The following PHF8 variants were observed in gnomAD, a reference collection of about 807,000 sequenced individuals.
The protein encoded by PHF8 is histone lysine demethylase PHF8.
In PHF8, 9 loss-of-function variants were observed where a neutral mutation model predicts 74.4. The ratio of observed to expected loss-of-function variants is 0.12; its 90% confidence interval spans 0.07 to 0.21. The LOEUF (loss-of-function observed/expected upper bound fraction) is 0.21. PHF8 is among the 10% of genes least tolerant of loss of function. PHF8 has a pLI of 1.00. For missense variants in PHF8, 478 were observed against 816.6 expected (o/e 0.59, Z 5.05); for synonymous variants, 311 against 316.6 (o/e 0.98, Z 0.19).
intron 2 of PHF8, among the ~76,000 whole-genome samples, chrX:54,033,075 CACCAA>C (rs1557113021): frequency 3.6e-5 from 4 of 111,075 alleles, no homozygotes; most frequent in Non-Finnish European, 7.5e-5. Context: ...TGGTGGATAG[CACCAA>C]AGACCAAGTG....
intron 2 of PHF8, among the ~76,000 whole-genome samples, chrX:54,024,726 T>C (rs1354866634): frequency 8.9e-6 from 1 of 112,232 alleles, no homozygotes; most frequent in African/African-American, 3.2e-5. Context: ...AGGTCTGTGG[T>C]AAGTACAGAA....
chrX:54,010,440 C>T (rs781794585), intron 8 of PHF8, among the ~76,000 whole-genome samples: 1 of 112,144 alleles, frequency 8.9e-6, no homozygotes, highest in African/African-American at 3.2e-5. Flanking sequence ...AATAGAAAAT[C>T]TGAATAACCT....
chrX:53,959,748 C>CA (rs2065070969), intron 19 of PHF8, among the ~76,000 whole-genome samples: 2 of 106,317 alleles, frequency 1.9e-5, no homozygotes, highest in African/African-American at 6.9e-5. Flanking sequence ...CCTATAGTCC[C>CA]AGCTACTTTG....
intron 14 of PHF8, among the ~76,000 whole-genome samples, chrX:53,992,051 A>G (rs1359868663): frequency 8.9e-6 from 1 of 112,093 alleles, no homozygotes; most frequent in Non-Finnish European, 1.9e-5. Context: ...AAAAAATACA[A>G]ATGTCTATAT....
intron 19 of PHF8, among the ~76,000 whole-genome samples, chrX:53,962,386 T>C (rs2065119324): frequency 8.9e-6 from 1 of 111,760 alleles, no homozygotes; most frequent in African/African-American, 3.2e-5. Context: ...AACTCCATGT[T>C]CAACTCAGTG....
intron 2 of PHF8, among the ~76,000 whole-genome samples, chrX:54,033,743 T>C (rs782676773): frequency 9.3e-6 from 1 of 107,260 alleles, no homozygotes; most frequent in Non-Finnish European, 1.9e-5. Context: ...CATAATAAAA[T>C]AAATAAATAC....
intron 4 of PHF8, among the ~76,000 whole-genome samples, chrX:54,021,690 A>G (rs959141225): frequency 1.8e-3 from 191 of 107,343 alleles, no homozygotes; most frequent in African/African-American, 6.2e-3. Flanking sequence ...GGATGGTCTC[A>G]ATCTCCTGAC....
chrX:54,029,470 G>A (rs1263838920), intron 2 of PHF8, among the ~76,000 whole-genome samples: 1 of 112,454 alleles, frequency 8.9e-6, no homozygotes, highest in Non-Finnish European at 1.9e-5. Flanking sequence ...AATCTGTGGG[G>A]CCTAATGGAA....
In PHF8 at chrX:53,937,866, G is replaced by C; in HGVS notation, c.*1292C>G. On this transcript the variant is annotated 3_prime_UTR_variant, in exon 22 of 22. Transcript: ENST00000338154. ...GAGGTGGGGGGATGTTCTCCATCGA[G>C]TCCAGATTGCCAGTGAGGCAAGGCG... 1.7e-6 allele frequency: 1 copy of C among 591,381 alleles called. No homozygotes were observed. Among genetic ancestry groups the C allele is most frequent in the Non-Finnish European group, 2.7e-6 (1 of 366,618 alleles). 48.7% of individuals were successfully genotyped at this position (591,381 alleles called of 1,213,427 possible).
intron 4 of PHF8, 77 bp downstream of exon 4, chrX:54,022,181 TG>T: frequency 1.7e-6 from 1 of 604,188 alleles, no homozygotes; most frequent in East Asian, 3.2e-5. Flanking sequence ...GGACAGCCAC[TG>T]GGAAAGCTGG....
intron 2 of PHF8, among the ~76,000 whole-genome samples, chrX:54,031,736 G>A (rs1207842866): frequency 4.5e-5 from 5 of 111,025 alleles, no homozygotes; most frequent in East Asian, 2.8e-4. Flanking sequence ...AACAAATCCT[G>A]TATCAATATA....
chrX:53,950,592 A>G (rs1175760905), intron 19 of PHF8, among the ~76,000 whole-genome samples: 4 of 112,138 alleles, frequency 3.6e-5, no homozygotes, highest in Non-Finnish European at 7.5e-5. Context: ...ATGCTCCAAC[A>G]TGCACATAGA....
intron 7 of PHF8, among the ~76,000 whole-genome samples, chrX:54,011,784 G>T (rs1310481638): frequency 9.7e-6 from 1 of 102,882 alleles, no homozygotes; most frequent in Non-Finnish European, 1.9e-5. Flanking sequence ...AAGATTATAT[G>T]TTATGTGATT....
At chrX:53,951,094 A>G (rs1557086796) in intron 19 of PHF8, among the ~76,000 whole-genome samples, 1 of 112,541 alleles carries the variant, frequency 8.9e-6, no homozygotes, top group African/African-American at 3.2e-5. Context: ...GACAGAAATT[A>G]TAAAAAGAAA....
At chrX:53,948,184 G>A (rs1470238342) in intron 19 of PHF8, among the ~76,000 whole-genome samples, 1 of 112,279 alleles carries the variant, frequency 8.9e-6, no homozygotes, top group African/African-American at 3.2e-5. Context: ...AACAGTTGGG[G>A]AAATTTGGTT....
At chrX:53,988,771 T>A (rs1457100393) in intron 14 of PHF8, among the ~76,000 whole-genome samples, 4 of 102,226 alleles carry the variant, frequency 3.9e-5, no homozygotes, top group African/African-American at 7.2e-5. Context: ...AAAAAAAAAA[T>A]ACTGTATTGT....
intron 18 of PHF8, among the ~76,000 whole-genome samples, chrX:53,976,650 T>C (rs1397524459): frequency 1.0e-5 from 1 of 96,008 alleles, no homozygotes; most frequent in Non-Finnish European, 2.1e-5. Flanking sequence ...AAACAGCCAG[T>C]GGCATGCACC....
In PHF8 at chrX:54,043,786, G is replaced by T; in HGVS notation, c.-117C>A. On this transcript the variant is annotated 5_prime_UTR_variant, in exon 1 of 22. Coordinates refer to ENST00000338154, the MANE Select transcript of PHF8 (RefSeq NM_015107.3). ...CAGGAATCTTAACGCTTCCCCAACT[G>T]ACAGGAACCTCCTCACGCCCCAAAC... The T allele has an allele frequency of 8.0e-6, 6 of 748,350 alleles. No individual in the cohort carries two copies. The highest frequency in any genetic ancestry group is 9.5e-6 in the Non-Finnish European group (6 of 633,983). 61.7% of individuals were successfully genotyped at this position (748,350 alleles called of 1,213,427 possible).
intron 2 of PHF8, among the ~76,000 whole-genome samples, chrX:54,041,388 TAAAAAAA>T (rs370388675): frequency 2.1e-4 from 9 of 43,497 alleles, no homozygotes; most frequent in Middle Eastern, 0.016. Flanking sequence ...TTGTCTCAAA[TAAAAAAA>T]AAAAAAAAAG....
Sources: allele counts gnomAD v4.1 joint callset (sites outside exome capture counted in the v4.1 genomes callset), GRCh38; gene constraint gnomAD v4.1.1; transcripts MANE v1.5; gene names NCBI Gene and HGNC (gene_info 2026-07-23, HGNC 2026-07-21).